ADD3: variants seen among roughly 807,000 people sequenced by gnomAD.
ADD3 encodes adducin 3.
In ADD3, 25 loss-of-function variants were observed where a neutral mutation model predicts 80.2. That is an observed-to-expected ratio of 0.31 (90% CI 0.23 to 0.44). ADD3 has a LOEUF of 0.44. ADD3 is among the 20% of genes least tolerant of loss of function. The probability of loss-of-function intolerance (pLI) is 1.00; values close to 1 mark genes in which losing one functional copy is unlikely to be tolerated. For missense variants in ADD3, 829 were observed against 847.5 expected, an observed-to-expected ratio of 0.98 and a Z score of 0.27; for synonymous variants, 284 against 289.6, an observed-to-expected ratio of 0.98 and a Z score of 0.20.
chr10:110,003,420 G>T (rs1851527571), upstream of ADD3, among the ~76,000 whole-genome samples: 1 of 152,070 alleles, frequency 6.6e-6, no homozygotes, highest in Non-Finnish European at 1.5e-5. Context: ...AAAGTCCCTT[G>T]AACTAGATAA....
At chr10:110,107,135 A>C (rs986935246) in intron 2 of ADD3, among the ~76,000 whole-genome samples, 5 of 152,152 alleles carry the variant, frequency 3.3e-5, no homozygotes, top group Admixed American at 6.5e-5. Flanking sequence ...TGAAAGACAC[A>C]GTTTCAGTCC....
chr10:110,012,003 G>C (rs1299054929), intron 1 of ADD3, among the ~76,000 whole-genome samples: 1 of 152,202 alleles, frequency 6.6e-6, no homozygotes, highest in Non-Finnish European at 1.5e-5. Context: ...TTCATTGGCT[G>C]TTGCTTGAAC....
At chr10:110,007,149 T>G (rs1368970658), upstream of ADD3, among the ~76,000 whole-genome samples, 1 of 152,232 alleles carries the variant, frequency 6.6e-6, no homozygotes, top group Non-Finnish European at 1.5e-5. Context: ...CGGCCCCGCA[T>G]TCATTTTGAA....
At chr10:110,125,977 C>A in intron 11 of ADD3, 32 bp downstream of exon 11, 1 of 1,565,648 alleles carries the variant, frequency 6.4e-7, no homozygotes, top group Non-Finnish European at 8.7e-7. Context: ...CCAGGGGAGA[C>A]ATTTTAATTG....
intron 12 of ADD3, among the ~76,000 whole-genome samples, chr10:110,127,685 C>G (rs745753039): frequency 1.1e-4 from 16 of 152,194 alleles, no homozygotes; most frequent in Non-Finnish European, 2.1e-4. Flanking sequence ...CAGGTAATCT[C>G]TCTGTTCCAG....
chr10:110,082,605 T>A (rs1846200098), intron 1 of ADD3, among the ~76,000 whole-genome samples: 1 of 152,238 alleles, frequency 6.6e-6, no homozygotes. Flanking sequence ...ATAGTCTTTA[T>A]AACCTTTTTC....
intron 1 of ADD3, among the ~76,000 whole-genome samples, chr10:110,058,430 A>T (rs1858475835): frequency 6.6e-6 from 1 of 152,132 alleles, no homozygotes; most frequent in Non-Finnish European, 1.5e-5. Flanking sequence ...ATTGCTTTCT[A>T]CATATTGCTG....
chr10:110,082,075 A>T (rs1416143832), intron 1 of ADD3, among the ~76,000 whole-genome samples: 1 of 152,222 alleles, frequency 6.6e-6, no homozygotes, highest in Non-Finnish European at 1.5e-5. Flanking sequence ...GCATTTGGCT[A>T]GGGTCCTGTG....
chr10:110,086,462 C>T (rs139753125), intron 1 of ADD3, among the ~76,000 whole-genome samples: 30 of 152,236 alleles, frequency 2.0e-4, no homozygotes, highest in Non-Finnish European at 3.4e-4. Flanking sequence ...TGTGTCCCCA[C>T]GCAAATCTCA....
At chr10:110,050,506 CTTTTTTTTTT>C (rs59897959) in intron 1 of ADD3, among the ~76,000 whole-genome samples, 1 of 129,442 alleles carries the variant, frequency 7.7e-6, no homozygotes, top group African/African-American at 2.8e-5. Flanking sequence ...CATTAAACCT[CTTTTTTTTTT>C]TTTTTTTTTT....
At chr10:110,072,310 C>A (rs1844824677) in intron 1 of ADD3, among the ~76,000 whole-genome samples, 1 of 152,222 alleles carries the variant, frequency 6.6e-6, no homozygotes, top group East Asian at 1.9e-4. Flanking sequence ...CGTGATCCCC[C>A]AGCCTCGGCC....
chr10:110,032,661 C>T (rs1855183592), intron 1 of ADD3, among the ~76,000 whole-genome samples: 1 of 152,168 alleles, frequency 6.6e-6, no homozygotes, highest in Admixed American at 6.5e-5. Flanking sequence ...TTTCTCAGCT[C>T]TACCATTACC....
At chr10:110,056,173 G>T (rs190256749) in intron 1 of ADD3, among the ~76,000 whole-genome samples, 2 of 152,208 alleles carry the variant, frequency 1.3e-5, no homozygotes, top group Non-Finnish European at 2.9e-5. Flanking sequence ...TTGGGTTTAG[G>T]GAAAACCTTA....
chr10:110,060,891 G>A (rs1424265531), intron 1 of ADD3, among the ~76,000 whole-genome samples: 1 of 152,190 alleles, frequency 6.6e-6, no homozygotes, highest in East Asian at 1.9e-4. Flanking sequence ...ATTTTATAGA[G>A]TAGAAAGAGT....
At chr10:110,038,858 AAC>A (rs1855965175) in intron 1 of ADD3, among the ~76,000 whole-genome samples, 1 of 152,270 alleles carries the variant, frequency 6.6e-6, no homozygotes. Flanking sequence ...ATTAGCATAT[AAC>A]ACAGCCATTA....
At chr10:110,078,169 A>G (rs962965119) in intron 1 of ADD3, among the ~76,000 whole-genome samples, 2 of 152,204 alleles carry the variant, frequency 1.3e-5, no homozygotes, top group Non-Finnish European at 2.9e-5. Flanking sequence ...ATAAGGATGT[A>G]AGAATAAAGC....
chr10:110,078,167 G>A (rs1016841417), intron 1 of ADD3, among the ~76,000 whole-genome samples: 1 of 152,186 alleles, frequency 6.6e-6, no homozygotes, highest in Non-Finnish European at 1.5e-5. Context: ...TCATAAGGAT[G>A]TAAGAATAAA....
chr10:110,065,424 C>T (rs1843777317), intron 1 of ADD3, among the ~76,000 whole-genome samples: 1 of 150,678 alleles, frequency 6.6e-6, no homozygotes, highest in South Asian at 2.1e-4. Context: ...GATCTATTTC[C>T]TCTTCAGGAA....
rs557294972 is a variant in ADD3, at chr10:110,096,181, CAGTT to C, written c.-29-4443_-29-4440del. ...TATTTTTTTGGAAAAAAACAATACT[CAGTT>C]GGCTCTTTCAGCATTCTACCTAGAA... On this transcript the variant is annotated intron_variant, in intron 1 of 14. Coordinates refer to ENST00000356080, the MANE Select transcript of ADD3 (RefSeq NM_016824.5). Among the ~76,000 whole-genome samples the C allele has an allele frequency of 5.9e-4, 90 of 152,280 alleles. 1 individual carries two copies. The highest frequency in any genetic ancestry group is 2.1e-3 in the African/African-American group (86 of 41,546).
Sources: gnomAD v4.1 joint callset for allele counts (sites outside exome capture counted in the v4.1 genomes callset) on GRCh38, gnomAD v4.1.1 for gene constraint, MANE v1.5 for transcripts, NCBI Gene and HGNC (gene_info 2026-07-23, HGNC 2026-07-21) for gene names.